ANAPC1: variants seen among roughly 807,000 people sequenced by gnomAD.
ANAPC1 encodes anaphase-promoting complex subunit 1.
A neutral mutation model predicts 208.0 loss-of-function variants in ANAPC1; 36 were observed. The ratio of observed to expected loss-of-function variants is 0.17; its 90% CI spans 0.13 to 0.23. The LOEUF (loss-of-function observed/expected upper bound fraction) is 0.23. ANAPC1 is among the 10% of genes least tolerant of loss of function. The pLI is 1.00. For synonymous variants in ANAPC1, 378 were observed against 695.2 expected (o/e 0.54, Z 7.18); for missense variants, 942 against 2,011.6 (o/e 0.47, Z 10.17).
At chr2:111,846,479 A>C (rs74680180) in intron 16 of ANAPC1, among the ~76,000 whole-genome samples, 1 of 133,802 alleles carries the variant, frequency 7.5e-6, no homozygotes. Flanking sequence ...TAGTTGCTTA[A>C]GCTTCCAGTT....
At chr2:111,832,676 T>G (rs1391718357) in intron 20 of ANAPC1, among the ~76,000 whole-genome samples, 1 of 152,142 alleles carries the variant, frequency 6.6e-6, no homozygotes. Flanking sequence ...ACGCCTGTAA[T>G]CCCAGCACTT....
At chr2:111,852,550 T>C (rs1196426256) in intron 13 of ANAPC1, among the ~76,000 whole-genome samples, 3 of 152,208 alleles carry the variant, frequency 2.0e-5, no homozygotes, top group African/African-American at 7.2e-5. Context: ...CCTCGTCTAT[T>C]TGAGGAAGTC....
intron 21 of ANAPC1, among the ~76,000 whole-genome samples, chr2:111,830,587 A>T (rs923773865): frequency 2.6e-5 from 4 of 152,158 alleles, no homozygotes; most frequent in Non-Finnish European, 5.9e-5. Flanking sequence ...CAAGGTAGAA[A>T]CCAGAAGAAA....
In ANAPC1 at chr2:111,870,737, C is replaced by G. The variant is rs191727127; in HGVS notation, c.611+1893G>C. 7.6e-4 allele frequency among the ~76,000 whole-genome samples: 116 copies of G among 152,126 alleles called. 1 individual carries two copies. Among genetic ancestry groups the G allele is most frequent in the Admixed American group, 2.4e-3 (36 of 15,258 alleles). ...TTATTTATTGTTTTTGTTGCATTTGCTTCTGGTGTTTTAGTCATAAATTCC... is the reference window on the plus strand; with the variant it reads ...TTATTTATTGTTTTTGTTGCATTTGGTTCTGGTGTTTTAGTCATAAATTCC... On this transcript the variant is annotated intron_variant, in intron 6 of 47. Transcript: ENST00000341068.
At chr2:111,801,353 T>A (rs1397401560) in intron 33 of ANAPC1, among the ~76,000 whole-genome samples, 2 of 136,718 alleles carry the variant, frequency 1.5e-5, no homozygotes, top group African/African-American at 5.6e-5. Flanking sequence ...TGAGACTCCA[T>A]CTCATAAAAA....
intron 13 of ANAPC1, among the ~76,000 whole-genome samples, chr2:111,852,573 T>C (rs1681463678): frequency 6.6e-6 from 1 of 152,238 alleles, no homozygotes; most frequent in African/African-American, 2.4e-5. Flanking sequence ...CTTCTATTTC[T>C]AGATGCTGAG....
intron 8 of ANAPC1, among the ~76,000 whole-genome samples, chr2:111,864,370 ATG>A: frequency 7.3e-6 from 1 of 136,234 alleles, no homozygotes; most frequent in Non-Finnish European, 1.6e-5. Context: ...GATGATGATG[ATG>A]ATAATAAAAC....
intron 2 of ANAPC1, 62 bp downstream of exon 2, chr2:111,880,551 T>C: frequency 3.3e-6 from 5 of 1,514,804 alleles, no homozygotes; most frequent in Non-Finnish European, 8.9e-7. Context: ...TTAGTAGCCT[T>C]AAATTACAAG....
At chr2:111,773,249 C>T (rs1306904596) in intron 46 of ANAPC1, among the ~76,000 whole-genome samples, 2 of 152,000 alleles carry the variant, frequency 1.3e-5, no homozygotes, top group African/African-American at 2.4e-5. Flanking sequence ...GAAAGAAATT[C>T]CCTCATTCTC....
intron 26 of ANAPC1, among the ~76,000 whole-genome samples, chr2:111,820,119 G>C (rs1011346165): frequency 6.6e-6 from 1 of 152,184 alleles, no homozygotes; most frequent in Non-Finnish European, 1.5e-5. Context: ...ATTAAACTAT[G>C]ACACCTGTTC....
At chr2:111,872,269 A>T (rs902168214) in intron 6 of ANAPC1, among the ~76,000 whole-genome samples, 39 of 152,200 alleles carry the variant, frequency 2.6e-4, no homozygotes, top group African/African-American at 9.2e-4. Context: ...TGTTTATGTG[A>T]TGTGTCACAT....
downstream of ANAPC1, among the ~76,000 whole-genome samples, chr2:111,767,403 G>A (rs2104444171): frequency 6.6e-6 from 1 of 150,520 alleles, no homozygotes; most frequent in East Asian, 2.0e-4. Context: ...GATTTTTTGA[G>A]GCCCCAAAAA....
At chr2:111,797,946 T>C (rs1423449605) in intron 34 of ANAPC1, among the ~76,000 whole-genome samples, 1 of 122,034 alleles carries the variant, frequency 8.2e-6, no homozygotes, top group East Asian at 2.2e-4. Context: ...TTTTCCTTTC[T>C]GCGGTTTCTG....
At position 111,837,989 on chromosome 2, in the gene ANAPC1, G is replaced by A. The variant is rs199853326; in HGVS notation, c.2115+449C>T. Among the ~76,000 whole-genome samples the A allele has an allele frequency of 2.7e-5, 4 of 148,556 alleles. No individual in the cohort carries two copies. The Admixed American group carries it at 2.8e-4, about 10-fold the overall frequency. On this transcript the variant is annotated intron_variant, in intron 18 of 47. Coordinates refer to ENST00000341068, the MANE Select transcript of ANAPC1 (RefSeq NM_022662.4). ...AATCCCAGCTATTCAGGAGGCTGAG[G>A]CAGGAGAACTGCTTGAACCTGGGAG...
chr2:111,831,598 G>A (rs532450724), intron 20 of ANAPC1, among the ~76,000 whole-genome samples, 164 bp from the exon 21 acceptor site: 8 of 152,016 alleles, frequency 5.3e-5, no homozygotes, highest in Non-Finnish European at 8.8e-5. Context: ...CCAGTACTTT[G>A]GGAGGCCCAA....
intron 13 of ANAPC1, among the ~76,000 whole-genome samples, chr2:111,853,869 AC>A: frequency 6.6e-6 from 1 of 151,942 alleles, no homozygotes; most frequent in African/African-American, 2.4e-5. Context: ...GGCACCCGCC[AC>A]CACGCCCGGC....
chr2:111,866,568 T>C (rs1397049622), intron 7 of ANAPC1, among the ~76,000 whole-genome samples: 6 of 148,326 alleles, frequency 4.0e-5, no homozygotes, highest in African/African-American at 1.5e-4. Flanking sequence ...TCTACTAAAA[T>C]ACAAAAAATT....
At chr2:111,849,161 G>A (rs998119056) in intron 14 of ANAPC1, among the ~76,000 whole-genome samples, 1 of 152,198 alleles carries the variant, frequency 6.6e-6, no homozygotes, top group African/African-American at 2.4e-5. Flanking sequence ...GAAAAATTCA[G>A]CTCCGCTGGT....
At chr2:111,835,714 G>A (rs997282769) in intron 18 of ANAPC1, among the ~76,000 whole-genome samples, 1 of 152,022 alleles carries the variant, frequency 6.6e-6, no homozygotes, top group African/African-American at 2.4e-5. Flanking sequence ...GGTGGCGGGC[G>A]CCTGTTAGTC....
Sources: allele counts gnomAD v4.1 joint callset (sites outside exome capture counted in the v4.1 genomes callset), GRCh38; gene constraint gnomAD v4.1.1; transcripts MANE v1.5; gene names NCBI Gene and HGNC (gene_info 2026-07-23, HGNC 2026-07-21).